Variants in LRRC4C observed in about 807,000 individuals in gnomAD.
LRRC4C encodes the protein leucine-rich repeat-containing protein 4C.
In LRRC4C, 5 loss-of-function variants were observed where a neutral mutation model predicts 33.6. The observed-to-expected ratio is 0.15, with a 90% CI of 0.08 to 0.31. The LOEUF (loss-of-function observed/expected upper bound fraction) is 0.31. Ranked by LOEUF, LRRC4C falls within the 10% of genes least tolerant of loss-of-function variation. The pLI, the probability that LRRC4C is intolerant of heterozygous loss-of-function variation, is 1.00. For missense variants in LRRC4C, 560 were observed against 796.7 expected, an observed-to-expected ratio of 0.70 and a Z score of 3.58; for synonymous variants, 329 against 302.0, an observed-to-expected ratio of 1.09 and a Z score of -0.93.
intron 1 of LRRC4C, among the ~76,000 whole-genome samples, chr11:40,981,444 C>T (rs1471190110): frequency 6.6e-6 from 1 of 152,090 alleles, no homozygotes; most frequent in African/African-American, 2.4e-5. Context: ...TTGCGACAAG[C>T]GTCTATATTT....
chr11:40,730,252 T>C (rs1947495153), intron 2 of LRRC4C, among the ~76,000 whole-genome samples: 1 of 152,036 alleles, frequency 6.6e-6, no homozygotes, highest in South Asian at 2.1e-4. Flanking sequence ...TAAAGTATAA[T>C]TTAAAAAAAT....
intron 1 of LRRC4C, among the ~76,000 whole-genome samples, chr11:41,307,164 A>C (rs1316070869): frequency 6.6e-6 from 1 of 152,186 alleles, no homozygotes; most frequent in East Asian, 1.9e-4. Context: ...AAGGGGAAAA[A>C]GTCAAAATGA....
intron 1 of LRRC4C, among the ~76,000 whole-genome samples, chr11:41,259,579 C>T (rs372257249): frequency 2.4e-4 from 37 of 151,914 alleles, no homozygotes; most frequent in African/African-American, 4.6e-4. Context: ...ATCACATATG[C>T]GCAAATGCAG....
chr11:40,543,719 G>A (rs541582138), intron 3 of LRRC4C, among the ~76,000 whole-genome samples: 6 of 152,090 alleles, frequency 3.9e-5, no homozygotes, highest in Non-Finnish European at 8.8e-5. Flanking sequence ...GAGAAAAGTC[G>A]AAGAATGAGT....
At chr11:40,505,970 G>A (rs979099690) in intron 3 of LRRC4C, among the ~76,000 whole-genome samples, 1 of 151,862 alleles carries the variant, frequency 6.6e-6, no homozygotes, top group African/African-American at 2.4e-5. Flanking sequence ...ATTCTGTCTT[G>A]AAGTTTTCCT....
At chr11:41,206,328 C>A (rs1399527514) in intron 1 of LRRC4C, among the ~76,000 whole-genome samples, 2 of 152,164 alleles carry the variant, frequency 1.3e-5, no homozygotes, top group Non-Finnish European at 2.9e-5. Context: ...GCAGCCTCAA[C>A]TCAAAACACA....
At chr11:40,402,942 T>C (rs1949817218) in intron 3 of LRRC4C, among the ~76,000 whole-genome samples, 1 of 152,072 alleles carries the variant, frequency 6.6e-6, no homozygotes, top group Non-Finnish European at 1.5e-5. Flanking sequence ...ACTTATAATG[T>C]TGTTCATGCA....
chr11:40,620,777 C>T (rs2132215), intron 3 of LRRC4C, among the ~76,000 whole-genome samples: 25,388 of 151,748 alleles, frequency 0.17, 2,584 homozygotes, highest in East Asian at 0.47. Context: ...TTTGCAGTCA[C>T]TAATGTTTGC....
At chr11:40,605,199 G>A (rs1392246624) in intron 3 of LRRC4C, among the ~76,000 whole-genome samples, 1 of 146,072 alleles carries the variant, frequency 6.8e-6, no homozygotes, top group East Asian at 2.0e-4. Flanking sequence ...CAAGGGAGGT[G>A]GGGGACAAAG....
intron 1 of LRRC4C, among the ~76,000 whole-genome samples, chr11:41,067,626 G>T (rs1392707135): frequency 3.9e-5 from 6 of 152,098 alleles, no homozygotes; most frequent in Admixed American, 6.5e-5. Context: ...TTTCAGTGCC[G>T]CATGGCACTT....
intron 3 of LRRC4C, among the ~76,000 whole-genome samples, chr11:40,556,100 TA>T (rs1957323343): frequency 1.3e-5 from 2 of 152,296 alleles, no homozygotes; most frequent in South Asian, 2.1e-4. Flanking sequence ...ATCATCTCCA[TA>T]ATAAGTAATT....
chr11:41,078,825 T>C (rs1316092238), intron 1 of LRRC4C, among the ~76,000 whole-genome samples: 1 of 152,144 alleles, frequency 6.6e-6, no homozygotes, highest in Non-Finnish European at 1.5e-5. Context: ...TAAGCAAATG[T>C]TATGGGCTGT....
Position 40,656,818 on chromosome 11 carries a change from C to G in LRRC4C, c.-406-8540G>C, listed in dbSNP as rs185403634. On this transcript the variant is annotated intron_variant, in intron 2 of 6. Transcript: ENST00000528697. ...TTAAAATATCCATATACCACAAGGC[C>G]ACCAAATTTGTCAAACTTCTTCCAG... is the stretch of plus-strand genomic sequence containing the variant. 6.5e-3 allele frequency among the ~76,000 whole-genome samples: 993 copies of G among 152,234 alleles called. 12 individuals are homozygous for G. The highest frequency in any genetic ancestry group is 0.023 in the African/African-American group (958 of 41,540).
At chr11:41,396,876 C>CAA (rs1953839139) in intron 1 of LRRC4C, among the ~76,000 whole-genome samples, 1 of 151,940 alleles carries the variant, frequency 6.6e-6, no homozygotes, top group Non-Finnish European at 1.5e-5. Flanking sequence ...TTCTGCACAG[C>CAA]AAAAGAAACT....
chr11:41,091,141 A>G (rs907932019), intron 1 of LRRC4C, among the ~76,000 whole-genome samples: 26 of 152,082 alleles, frequency 1.7e-4, no homozygotes, highest in African/African-American at 3.9e-4. Flanking sequence ...TCTGTTGTCT[A>G]TGTAATACTA....
At chr11:40,683,710 T>G (rs1340365893) in intron 2 of LRRC4C, among the ~76,000 whole-genome samples, 1 of 152,142 alleles carries the variant, frequency 6.6e-6, no homozygotes, top group Non-Finnish European at 1.5e-5. Context: ...AAGGTTTGGT[T>G]CTGCATGAGG....
rs575749843 is a variant in LRRC4C, at chr11:40,703,277, C to T, written c.-406-54999G>A. 5.3e-5 allele frequency among the ~76,000 whole-genome samples: 8 copies of T among 152,098 alleles called. No individual in the cohort carries two copies. The South Asian group carries it at 1.7e-3, about 32-fold the overall frequency. ...TGTAATAACACAACAATTGTAAAAC[C>T]CTCATCTAACTTTTATGGCAAAGTC... On this transcript the variant is annotated intron_variant, in intron 2 of 6. Transcript: ENST00000528697.
intron 3 of LRRC4C, among the ~76,000 whole-genome samples, chr11:40,540,847 G>T (rs956940830): frequency 6.6e-6 from 1 of 151,950 alleles, no homozygotes; most frequent in African/African-American, 2.4e-5. Context: ...CCTATAAATG[G>T]CTATATGTGC....
chr11:40,932,358 C>A (rs1421338345), intron 2 of LRRC4C, among the ~76,000 whole-genome samples: 2 of 151,962 alleles, frequency 1.3e-5, no homozygotes, highest in Non-Finnish European at 2.9e-5. Context: ...ATGCATTGGA[C>A]AAGAATATTG....
Sources: gnomAD v4.1 joint callset for allele counts (sites outside exome capture counted in the v4.1 genomes callset) on GRCh38, gnomAD v4.1.1 for gene constraint, MANE v1.5 for transcripts, NCBI Gene and HGNC (gene_info 2026-07-23, HGNC 2026-07-21) for gene names.